Variants in ACVR1C observed in about 807,000 individuals in gnomAD.
The protein encoded by ACVR1C is activin A receptor type 1C, also known as activin receptor type-1C.
A neutral mutation model predicts 57.9 loss-of-function variants in ACVR1C; 23 were observed. The ratio of observed to expected loss-of-function variants is 0.40; its 90% CI spans 0.29 to 0.56. ACVR1C has a LOEUF of 0.56. Ranked by LOEUF, ACVR1C falls within the 20% of genes least tolerant of loss-of-function variation. ACVR1C has a pLI of 0.50. For synonymous variants in ACVR1C, 214 were observed against 215.3 expected (o/e 0.99, Z 0.05); for missense variants, 480 against 607.9 (o/e 0.79, Z 2.21).
chr2:157,546,372 C>T (rs1289305868), intron 4 of ACVR1C, among the ~76,000 whole-genome samples: 1 of 152,144 alleles, frequency 6.6e-6, no homozygotes, highest in Non-Finnish European at 1.5e-5. Context: ...TCAGAAATGG[C>T]AAATCATCAG....
At chr2:157,583,238 A>C (rs979740591) in intron 2 of ACVR1C, among the ~76,000 whole-genome samples, 4 of 152,256 alleles carry the variant, frequency 2.6e-5, no homozygotes, top group African/African-American at 9.6e-5. Context: ...ATATACTAGC[A>C]ATTAACATTT....
chr2:157,555,141 T>C (rs1344654727), intron 3 of ACVR1C, among the ~76,000 whole-genome samples: 1 of 114,246 alleles, frequency 8.8e-6, no homozygotes, highest in Non-Finnish European at 1.7e-5. Context: ...AGACGGAGTC[T>C]CGCTCTGTCA....
intron 2 of ACVR1C, among the ~76,000 whole-genome samples, chr2:157,567,301 C>T (rs1371679802): frequency 9.4e-6 from 1 of 106,574 alleles, no homozygotes; most frequent in African/African-American, 4.3e-5. Context: ...CTCTAAAACA[C>T]CGAGCACCTC....
intron 1 of ACVR1C, among the ~76,000 whole-genome samples, chr2:157,619,331 A>T (rs1682716165): frequency 6.6e-6 from 1 of 152,012 alleles, no homozygotes; most frequent in Non-Finnish European, 1.5e-5. Flanking sequence ...ATTACAAAGG[A>T]AACTAGTAAA....
Position 157,628,613 on chromosome 2 carries a change from T to C in ACVR1C, c.32A>G (p.Gln11Arg), listed in dbSNP as rs1272127802. Residue 11 changes from glutamine to arginine, a missense_variant, in exon 1 of 9, where the codon CAG becomes CGG. Transcript: ENST00000243349. MTRALCSALR[Q>R]ALLLLAAAAE... ...GGCCGCTGCGAGCAGCAGGAGAGCC[T>C]GGCGGAGCGCTGAGCAGAGCGCCCG... The C allele has an allele frequency of 1.9e-6, 3 of 1,602,942 alleles. No individual in the cohort carries two copies. In the African/African-American group the frequency reaches 4.0e-5, roughly 21 times the overall value.
intron 8 of ACVR1C, 66 bp from the exon 9 acceptor site, chr2:157,534,109 T>C (rs1687424717): frequency 7.6e-7 from 1 of 1,315,598 alleles, no homozygotes; most frequent in Admixed American, 3.0e-5. Context: ...ACAAAAGAAG[T>C]AAAGCCATAA....
intron 2 of ACVR1C, among the ~76,000 whole-genome samples, chr2:157,584,836 C>T (rs758289437): frequency 1.3e-5 from 2 of 152,170 alleles, no homozygotes; most frequent in South Asian, 2.1e-4. Context: ...TCTGAATGCA[C>T]GTCAATGGAT....
intron 2 of ACVR1C, among the ~76,000 whole-genome samples, chr2:157,580,142 T>C (rs916269242): frequency 3.9e-5 from 6 of 152,132 alleles, no homozygotes; most frequent in Non-Finnish European, 8.8e-5. Context: ...AATAGTTATC[T>C]TTTTCCAGTC....
At chr2:157,550,492 T>C (rs1687888622) in intron 3 of ACVR1C, 100 bp from the exon 4 acceptor site, 3 of 1,074,226 alleles carry the variant, frequency 2.8e-6, no homozygotes, top group Non-Finnish European at 4.1e-6. Context: ...AACATTTAAA[T>C]GCTTTAATAA....
intron 2 of ACVR1C, 88 bp from the exon 3 acceptor site, chr2:157,556,420 A>C (rs1688101640): frequency 1.3e-6 from 2 of 1,530,624 alleles, no homozygotes; most frequent in Admixed American, 3.5e-5. Context: ...AAAATTTCAC[A>C]TCCAGAATAT....
In ACVR1C at chr2:157,533,976, G is replaced by C; in HGVS notation, c.1424C>G (p.Ala475Gly). Residue 475 changes from alanine (A) to glycine (G), a missense_variant, in exon 9 of 9, where the codon GCT becomes GGT. Transcript: ENST00000243349. ...AGATATAGTCTTCTTAATACGAAGAGCAGTTAGGCGGGCCGCTCCGTTGGC... is the reference window on the plus strand; with the variant it reads ...AGATATAGTCTTCTTAATACGAAGACCAGTTAGGCGGGCCGCTCCGTTGGC... Reference protein sequence around the residue: ...WYANGAARLTALRIKKTISQL... With the variant: ...WYANGAARLTGLRIKKTISQL... The C allele has an allele frequency of 6.3e-7, 1 of 1,597,920 alleles. No individual in the cohort carries two copies. The highest frequency in any genetic ancestry group is 2.3e-5 in the East Asian group (1 of 43,998).
chr2:157,556,928 G>T (rs1688117871), intron 2 of ACVR1C, among the ~76,000 whole-genome samples: 1 of 152,074 alleles, frequency 6.6e-6, no homozygotes, highest in Non-Finnish European at 1.5e-5. Context: ...CTCCCAAAGT[G>T]CTGGGATTAC....
intron 8 of ACVR1C, 47 bp from the exon 9 acceptor site, chr2:157,534,090 A>T (rs1687424360): frequency 7.0e-7 from 1 of 1,437,978 alleles, no homozygotes; most frequent in Non-Finnish European, 9.2e-7. Context: ...ACTCTACATA[A>T]AACAGAGCAC....
At position 157,550,308 on chromosome 2, in the gene ACVR1C, C is replaced by T; in HGVS notation, c.629G>A (p.Trp210Ter). Residue 210 changes from tryptophan (W) to a stop codon, truncating the protein, a stop_gained, in exon 4 of 9, where the codon TGG (tryptophan) becomes TAG (stop). Transcript: ENST00000243349. LOFTEE classifies it high-confidence loss of function. ...IVGKGRFGEV[W>*]HGRWCGEDVA... ...ATCTTCCCCACACCATCTTCCATGC[C>T]ACACCTCACCAAATCTACCTTTTCC... 6.2e-7 allele frequency: 1 copy of T among 1,614,146 alleles called. No individual in the cohort carries two copies. Among genetic ancestry groups the T allele is most frequent in the South Asian group, 1.1e-5 (1 of 91,080 alleles).
chr2:157,575,373 T>C (rs187867673), intron 2 of ACVR1C, among the ~76,000 whole-genome samples: 2 of 152,272 alleles, frequency 1.3e-5, no homozygotes, highest in African/African-American at 2.4e-5. Context: ...CCTCAGGTGA[T>C]CCACCCACCT....
chr2:157,566,558 G>A (rs540162984), intron 2 of ACVR1C, among the ~76,000 whole-genome samples: 2 of 152,300 alleles, frequency 1.3e-5, no homozygotes, highest in Admixed American at 1.3e-4. Context: ...GGAAGCACAA[G>A]GGGTCAGGGA....
intron 1 of ACVR1C, among the ~76,000 whole-genome samples, chr2:157,592,217 A>G (rs1168954616): frequency 6.6e-6 from 1 of 152,040 alleles, no homozygotes; most frequent in African/African-American, 2.4e-5. Flanking sequence ...CTTTATCTAA[A>G]TTCTGTATTA....
chr2:157,577,555 C>A (rs1256562236), intron 2 of ACVR1C, among the ~76,000 whole-genome samples: 2 of 151,870 alleles, frequency 1.3e-5, no homozygotes, highest in Non-Finnish European at 2.9e-5. Context: ...TCTGTTTTGT[C>A]TTCTATTAAT....
At position 157,544,587 on chromosome 2, in the gene ACVR1C, C is replaced by A; in HGVS notation, c.801G>T (p.Trp267Cys). ...CCTGTTCATGATATTCAGATACCAGCCAAAGTTGAGTCCAAGTTCCATTAT... is the reference window on the plus strand; with the variant it reads ...CCTGTTCATGATATTCAGATACCAGACAAAGTTGAGTCCAAGTTCCATTAT... Reference protein sequence around the residue: ...NKDNGTWTQLWLVSEYHEQGS... With the variant: ...NKDNGTWTQLCLVSEYHEQGS... The change falls in exon 5 of 9, where the codon TGG (tryptophan) becomes TGT (cysteine). Residue 267 changes from tryptophan (W) to cysteine (C), a missense_variant. Physicochemically the swap from Trp to Cys is radical, Grantham distance 215. Transcript: ENST00000243349. 1.2e-6 allele frequency: 2 copies of A among 1,611,306 alleles called. No homozygotes were observed. The highest frequency in any genetic ancestry group is 1.7e-6 in the Non-Finnish European group (2 of 1,178,742).
Sources: allele counts gnomAD v4.1 joint callset (sites outside exome capture counted in the v4.1 genomes callset), GRCh38; gene constraint gnomAD v4.1.1; transcripts MANE v1.5; gene names NCBI Gene and HGNC (gene_info 2026-07-23, HGNC 2026-07-21).